Variants in MLLT10 observed in about 807,000 individuals in gnomAD.
The protein encoded by MLLT10 is protein AF-10.
In MLLT10, 30 loss-of-function variants were observed where a neutral mutation model predicts 129.1. That is an observed-to-expected ratio of 0.23 (90% CI 0.17 to 0.32). The LOEUF is 0.32. MLLT10 is among the 10% of genes least tolerant of loss of function. The probability of loss-of-function intolerance (pLI) is 1.00; values close to 1 mark genes in which losing one functional copy is unlikely to be tolerated. For synonymous variants in MLLT10, 490 were observed against 446.4 expected, an observed-to-expected ratio of 1.10 and a Z score of -1.23; for missense variants, 1,119 against 1,268.3, an observed-to-expected ratio of 0.88 and a Z score of 1.79.
intron 13 of MLLT10, among the ~76,000 whole-genome samples, chr10:21,699,645 T>A (rs2054707922): frequency 6.6e-6 from 1 of 152,088 alleles, no homozygotes; most frequent in South Asian, 2.1e-4. Context: ...CTTTCCTCGG[T>A]GTACGTACTT....
At chr10:21,547,304 G>A (rs936850988) in intron 3 of MLLT10, among the ~76,000 whole-genome samples, 1 of 151,804 alleles carries the variant, frequency 6.6e-6, no homozygotes. Flanking sequence ...TCTGTACTCC[G>A]TTTGAACAAA....
intron 8 of MLLT10, chr10:21,624,647 C>A (rs2046245941): frequency 8.2e-6 from 12 of 1,459,076 alleles, no homozygotes; most frequent in Middle Eastern, 1.8e-4. Flanking sequence ...ATTATTGTAA[C>A]CATAGTTACC....
intron 13 of MLLT10, chr10:21,708,820 G>C (rs1247538079): frequency 1.2e-6 from 1 of 832,800 alleles, no homozygotes. Flanking sequence ...TAGAGGACCT[G>C]GTAGTTACAA....
intron 5 of MLLT10, among the ~76,000 whole-genome samples, chr10:21,606,142 T>A (rs2044039727): frequency 6.6e-6 from 1 of 152,220 alleles, no homozygotes; most frequent in Non-Finnish European, 1.5e-5. Context: ...AAATGTTGTA[T>A]GTGTTCTGAC....
chr10:21,589,215 T>G (rs35587371), intron 4 of MLLT10, among the ~76,000 whole-genome samples: 2 of 151,776 alleles, frequency 1.3e-5, no homozygotes, highest in Admixed American at 6.6e-5. Flanking sequence ...TTTAAAAAAA[T>G]TTTTTTTTAC....
Position 21,734,034 on chromosome 10 carries a change from G to C in MLLT10, c.2763G>C (p.Gln921His), listed in dbSNP as rs147535183. 2.0e-4 allele frequency: 326 copies of C among 1,614,032 alleles called. No individual in the cohort carries two copies. Among genetic ancestry groups the C allele is most frequent in the Non-Finnish European group, 2.6e-4 (302 of 1,180,038 alleles). Residue 921 changes from glutamine (Q) to histidine (H), a missense_variant, in exon 20 of 23, where the codon CAG becomes CAC. Gln to His is a conservative substitution (Grantham distance 24). Coordinates refer to ENST00000307729, the MANE Select transcript of MLLT10 (RefSeq NM_001195626.3). ...GIVGALNGVM[Q>H]TPVTMSQNPT... The stretch of plus-strand genomic sequence containing the variant: ...TAGGAGCTTTAAATGGGGTTATGCA[G>C]ACTCCTGTCACAATGTCCCAGAACC...
At chr10:21,700,458 A>G (rs1298360155) in intron 13 of MLLT10, among the ~76,000 whole-genome samples, 1 of 152,032 alleles carries the variant, frequency 6.6e-6, no homozygotes, top group Non-Finnish European at 1.5e-5. Context: ...TTAGAGGAAA[A>G]ATTTTAGCTT....
chr10:21,545,836 T>A (rs988677962), intron 3 of MLLT10, among the ~76,000 whole-genome samples: 1 of 152,180 alleles, frequency 6.6e-6, no homozygotes, highest in African/African-American at 2.4e-5. Flanking sequence ...CCGGCTAATT[T>A]TAAAATTTTT....
intron 3 of MLLT10, among the ~76,000 whole-genome samples, chr10:21,563,581 T>A (rs1343295084): frequency 6.6e-6 from 1 of 152,140 alleles, no homozygotes; most frequent in African/African-American, 2.4e-5. Flanking sequence ...CTTGGTTTAA[T>A]TCCTTGGAGA....
intron 21 of MLLT10, among the ~76,000 whole-genome samples, chr10:21,736,760 G>C (rs138411942): frequency 1.3e-3 from 196 of 152,306 alleles, no homozygotes; most frequent in Non-Finnish European, 2.3e-3. Context: ...AGATGTACAA[G>C]TCAAATGGAG....
At chr10:21,626,030 A>G in intron 8 of MLLT10, 1 of 1,262,712 alleles carries the variant, frequency 7.9e-7, no homozygotes, top group Non-Finnish European at 1.2e-6. Flanking sequence ...GGTTACATTC[A>G]GAGTATAATC....
rs1191810902 is a variant in MLLT10, at chr10:21,660,463, A to ATG, written c.795+8695_795+8696insTG. ...AAACTCTTTCTGTACTAAAAATACA[A>ATG]AAATTAGCCGGGCATCGTGGTGCAG... On this transcript the variant is annotated intron_variant, in intron 9 of 22. Transcript: ENST00000307729. Among the ~76,000 whole-genome samples, 18 of 151,756 alleles carry ATG rather than the reference A, an allele frequency of 1.2e-4. No homozygotes were observed. In the East Asian group the frequency reaches 3.1e-3, roughly 27 times the overall value.
At chr10:21,625,175 T>C in intron 8 of MLLT10, 4 of 1,443,252 alleles carry the variant, frequency 2.8e-6, no homozygotes, top group Non-Finnish European at 3.9e-6. Flanking sequence ...ATAATCTTCA[T>C]ATGCAGTGCT....
chr10:21,695,597 A>G (rs1416553061), intron 13 of MLLT10, among the ~76,000 whole-genome samples: 4 of 151,804 alleles, frequency 2.6e-5, no homozygotes, highest in African/African-American at 9.7e-5. Flanking sequence ...TTTATTTGCC[A>G]TTTCTATTTT....
Position 21,730,901 on chromosome 10 carries a change from T to C in MLLT10, c.2065T>C (p.Ser689Pro). The C allele has an allele frequency of 1.2e-6, 2 of 1,614,076 alleles. No homozygotes were observed. Among genetic ancestry groups the C allele is most frequent in the Non-Finnish European group, 1.7e-6 (2 of 1,179,992 alleles). The change falls in exon 17 of 23, where the codon TCC (serine) becomes CCC (proline). Residue 689 changes from serine (S) to proline (P), a missense_variant and splice_region_variant. Ser to Pro is a moderately conservative substitution (Grantham distance 74). This residue lies in a region of MLLT10 where 1,004 missense variants were observed against 1,008.7 expected (regional missense o/e 1.00). Coordinates refer to ENST00000307729, the MANE Select transcript of MLLT10 (RefSeq NM_001195626.3). Reference protein sequence around the residue: ...SSPRGSLSPRSPVSSLQIRYD... With the variant: ...SSPRGSLSPRPPVSSLQIRYD... ...TAACTTGAGAATTGTTTTCAACAGA[T>C]CCCCTGTAAGCAGCTTACAGATTCG...
chr10:21,673,318 C>CCT (rs1564622986), intron 10 of MLLT10, 32 bp from the exon 11 acceptor site: 19 of 307,646 alleles, frequency 6.2e-5, no homozygotes, highest in South Asian at 2.1e-4. Context: ...CACCCCCCAA[C>CCT]TTTTTTTTTT....
chr10:21,592,987 A>AT (rs1329704865), intron 4 of MLLT10, among the ~76,000 whole-genome samples: 1 of 151,226 alleles, frequency 6.6e-6, no homozygotes, highest in East Asian at 1.9e-4. Flanking sequence ...GTCTTATTCC[A>AT]TTTTTTGTAT....
chr10:21,640,347 T>C (rs1304490505), intron 8 of MLLT10, among the ~76,000 whole-genome samples: 1 of 146,928 alleles, frequency 6.8e-6, no homozygotes, highest in East Asian at 2.0e-4. Context: ...AAAATATATA[T>C]ACACACACAT....
At chr10:21,715,140 A>G (rs897480615) in intron 14 of MLLT10, among the ~76,000 whole-genome samples, 7 of 152,252 alleles carry the variant, frequency 4.6e-5, no homozygotes, top group African/African-American at 1.7e-4. Context: ...GGATGCGTGC[A>G]TAATTTCCAT....
Sources: gnomAD v4.1 joint callset for allele counts (sites outside exome capture counted in the v4.1 genomes callset) on GRCh38, gnomAD v4.1.1 for gene constraint, gnomAD v4.1.1 regional missense constraint, MANE v1.5 for transcripts, NCBI Gene and HGNC (gene_info 2026-07-23, HGNC 2026-07-21) for gene names.